The following FARP1 variants were observed in gnomAD, a reference collection of about 807,000 sequenced individuals.
FARP1 encodes FERM, ARH/RhoGEF and pleckstrin domain protein 1.
In FARP1, 52 loss-of-function variants were observed where a neutral mutation model predicts 128.8. That is an observed-to-expected ratio of 0.40 (90% CI 0.32 to 0.51). FARP1 has a LOEUF of 0.51. FARP1 is among the 20% of genes least tolerant of loss of function. FARP1 has a pLI of 0.45. For synonymous variants in FARP1, 580 were observed against 551.8 expected, an observed-to-expected ratio of 1.05 and a Z score of -0.72; for missense variants, 1,333 against 1,367.9, an observed-to-expected ratio of 0.97 and a Z score of 0.40.
intron 2 of FARP1, among the ~76,000 whole-genome samples, chr13:98,330,541 A>C (rs1594410142): frequency 6.6e-6 from 1 of 152,006 alleles, no homozygotes; most frequent in Non-Finnish European, 1.5e-5. Flanking sequence ...GATCACCTGA[A>C]GTCAGGAGTT....
Position 98,450,334 on chromosome 13 carries a change from T to C in FARP1, c.*2017T>C, listed in dbSNP as rs1340967759. 1 of 152,158 alleles carries C rather than the reference T, an allele frequency of 6.6e-6. No individual in the cohort carries two copies. Among genetic ancestry groups the C allele is most frequent in the Non-Finnish European group, 1.5e-5 (1 of 68,026 alleles). The allele number at this position is 152,158 out of a possible 1,614,324, so 9.4% of individuals were successfully genotyped here. ...ACAAGCTGTTTTTAAAGGAGGGAAA[T>C]ATAAAAAATGTTTATAAACTGACAG... On this transcript the variant is annotated 3_prime_UTR_variant, in exon 27 of 27. Coordinates refer to ENST00000319562, the MANE Select transcript of FARP1 (RefSeq NM_005766.4).
At chr13:98,360,084 G>A (rs1303393909) in intron 3 of FARP1, among the ~76,000 whole-genome samples, 2 of 138,652 alleles carry the variant, frequency 1.4e-5, no homozygotes, top group Non-Finnish European at 1.5e-5. Context: ...TTCAGAGATT[G>A]TGTTGCTTTT....
intron 5 of FARP1, among the ~76,000 whole-genome samples, chr13:98,372,863 T>G (rs376634725): frequency 6.6e-6 from 1 of 152,336 alleles, no homozygotes; most frequent in South Asian, 2.1e-4. Flanking sequence ...GTTTACCGGT[T>G]CAGTTTTATT....
At chr13:98,326,788 T>A (rs564166557) in intron 2 of FARP1, among the ~76,000 whole-genome samples, 1 of 152,210 alleles carries the variant, frequency 6.6e-6, no homozygotes, top group Non-Finnish European at 1.5e-5. Context: ...TAAAACTAGA[T>A]CATTTTGCTG....
intron 6 of FARP1, among the ~76,000 whole-genome samples, chr13:98,379,104 A>T (rs1421536162): frequency 3.1e-5 from 3 of 97,188 alleles, no homozygotes; most frequent in East Asian, 2.6e-4. Flanking sequence ...ATATATATAT[A>T]ATATATAATC....
At chr13:98,243,785 G>A (rs1193360472) in intron 2 of FARP1, among the ~76,000 whole-genome samples, 1 of 149,170 alleles carries the variant, frequency 6.7e-6, no homozygotes, top group African/African-American at 2.5e-5. Flanking sequence ...GTTAAAGATT[G>A]TAGTATTGAC....
intron 1 of FARP1, among the ~76,000 whole-genome samples, chr13:98,192,077 T>G (rs1879266048): frequency 2.9e-5 from 3 of 104,642 alleles, no homozygotes; most frequent in South Asian, 6.8e-4. Context: ...CAGAAGCAAT[T>G]TTTAAATTCT....
At chr13:98,268,474 CTTTTA>C (rs1884234368) in intron 2 of FARP1, among the ~76,000 whole-genome samples, 1 of 152,084 alleles carries the variant, frequency 6.6e-6, no homozygotes, top group African/African-American at 2.4e-5. Flanking sequence ...TCTCCCTTCT[CTTTTA>C]TTTTTTGAGA....
chr13:98,244,866 A>G lies in FARP1; in HGVS notation c.171+31453A>G, dbSNP rs375377705. The G allele has an allele frequency of 3.7e-4, 533 of 1,441,140 alleles. 4 individuals carry two copies. In the East Asian group the frequency reaches 7.0e-3, roughly 19 times the overall value. 89.3% of individuals were successfully genotyped at this position (1,441,140 alleles called of 1,614,324 possible). ...TACAGATGTGATCTCAGATACGTGA[A>G]GCTGCATACAGAGGGGCCCATCCAC... On this transcript the variant is annotated intron_variant, in intron 2 of 26. Coordinates refer to ENST00000319562, the MANE Select transcript of FARP1 (RefSeq NM_005766.4).
At chr13:98,162,029 C>T (rs1465859193) in intron 1 of FARP1, among the ~76,000 whole-genome samples, 1 of 152,162 alleles carries the variant, frequency 6.6e-6, no homozygotes, top group African/African-American at 2.4e-5. Flanking sequence ...GTCCTCTCCT[C>T]TTAGCCTCCC....
At position 98,302,787 on chromosome 13, in the gene FARP1, G is replaced by T. The variant is rs534879091; in HGVS notation, c.172-40975G>T. Among the ~76,000 whole-genome samples the T allele has an allele frequency of 2.0e-5, 3 of 152,210 alleles. No individual in the cohort carries two copies. The South Asian group carries it at 6.2e-4, about 32-fold the overall frequency. ...TTGATCCCTTGGGACCAGAGTAGGG[G>T]CAGGAGCAGCTCTTATCTGCAGCTG... is the stretch of plus-strand genomic sequence containing the variant. On this transcript the variant is annotated intron_variant, in intron 2 of 26. Coordinates refer to ENST00000319562, the MANE Select transcript of FARP1 (RefSeq NM_005766.4).
chr13:98,422,620 A>C (rs1381365257), intron 16 of FARP1, among the ~76,000 whole-genome samples: 1 of 152,204 alleles, frequency 6.6e-6, no homozygotes, highest in Non-Finnish European at 1.5e-5. Flanking sequence ...AACCAATAGA[A>C]TAAATAATGC....
At chr13:98,359,444 T>C (rs1204906547) in intron 3 of FARP1, among the ~76,000 whole-genome samples, 1 of 151,968 alleles carries the variant, frequency 6.6e-6, no homozygotes, top group African/African-American at 2.4e-5. Flanking sequence ...CCCACCAAAA[T>C]AATAGGGGGA....
intron 2 of FARP1, among the ~76,000 whole-genome samples, chr13:98,274,450 T>C (rs1456566337): frequency 6.6e-6 from 1 of 152,164 alleles, no homozygotes; most frequent in Non-Finnish European, 1.5e-5. Flanking sequence ...ATTTCATTGA[T>C]TAATGGCAAC....
chr13:98,442,945 A>G (rs1352597377), intron 24 of FARP1, among the ~76,000 whole-genome samples: 2 of 152,196 alleles, frequency 1.3e-5, no homozygotes, highest in East Asian at 1.9e-4. Context: ...AGGCCATTCA[A>G]CGAGGCAGCA....
chr13:98,246,759 G>T (rs528753359), intron 2 of FARP1, among the ~76,000 whole-genome samples: 3 of 152,168 alleles, frequency 2.0e-5, no homozygotes, highest in Admixed American at 6.5e-5. Context: ...CACACAGCAC[G>T]TTAGTGAACA....
intron 3 of FARP1, among the ~76,000 whole-genome samples, chr13:98,363,953 G>A (rs1397385633): frequency 2.0e-5 from 3 of 152,180 alleles, no homozygotes; most frequent in Admixed American, 6.5e-5. Context: ...CGTTGGCTAG[G>A]CTGGTCTCGA....
Position 98,255,914 on chromosome 13 carries a change from G to A in FARP1, c.171+42501G>A, listed in dbSNP as rs1029021480. On this transcript the variant is annotated intron_variant, in intron 2 of 26. Coordinates refer to ENST00000319562, the MANE Select transcript of FARP1 (RefSeq NM_005766.4). ...GCTGGAACTGTAGGCCATTGTGTGCGCAGTCAGCCTCCCTTCCCAGCCCCC... is the reference window on the plus strand; with the variant it reads ...GCTGGAACTGTAGGCCATTGTGTGCACAGTCAGCCTCCCTTCCCAGCCCCC... Among the ~76,000 whole-genome samples, 13 of 152,192 alleles carry A rather than the reference G, an allele frequency of 8.5e-5. 1 individual carries two copies. Among genetic ancestry groups the A allele is most frequent in the African/African-American group, 1.2e-4 (5 of 41,448 alleles).
At chr13:98,309,592 G>A (rs1028550780) in intron 2 of FARP1, among the ~76,000 whole-genome samples, 14 of 152,170 alleles carry the variant, frequency 9.2e-5, no homozygotes, top group African/African-American at 3.4e-4. Context: ...AAGCAGAAGA[G>A]GCTGGTGCGA....
Sources: allele counts gnomAD v4.1 joint callset (sites outside exome capture counted in the v4.1 genomes callset), GRCh38; gene constraint gnomAD v4.1.1; transcripts MANE v1.5; gene names NCBI Gene and HGNC (gene_info 2026-07-23, HGNC 2026-07-21).